Variants in NPIPB2 observed in about 807,000 individuals in gnomAD.
NPIPB2 encodes the protein nuclear pore complex interacting protein family member B2.
Under a neutral mutation model 30.8 loss-of-function variants are expected in NPIPB2, and 27 were observed. The ratio of observed to expected loss-of-function variants is 0.88; its 90% CI spans 0.65 to 1.21. The LOEUF is 1.21. Among genes scored for constraint, NPIPB2 ranks in the 50% most tolerant of loss-of-function variants. The pLI is 0.00. For synonymous variants in NPIPB2, 147 were observed against 162.0 expected (o/e 0.91, Z 0.70); for missense variants, 440 against 446.2 (o/e 0.99, Z 0.13).
intron 1 of NPIPB2, among the ~76,000 whole-genome samples, chr16:11,975,391 C>T (rs932340871): frequency 6.6e-6 from 1 of 151,130 alleles, no homozygotes; most frequent in Non-Finnish European, 1.5e-5. Context: ...TCGTGATCCG[C>T]CCGCCTCGGC....
At chr16:11,936,652 A>G in intron 2 of NPIPB2, among the ~76,000 whole-genome samples, 1 of 144,684 alleles carries the variant, frequency 6.9e-6, no homozygotes, top group Non-Finnish European at 1.5e-5. Context: ...CAAAGGAAAA[A>G]AGGCTCAAAA....
chr16:11,951,619 T>TACATACAC (rs1555509397), intron 1 of NPIPB2, among the ~76,000 whole-genome samples: 1 of 115,914 alleles, frequency 8.6e-6, no homozygotes, highest in African/African-American at 3.2e-5. Flanking sequence ...ACACTGCACA[T>TACATACAC]ACACATACAC....
intron 2 of NPIPB2, 27 bp from the exon 3 acceptor site, chr16:11,933,951 G>T: frequency 2.7e-6 from 4 of 1,501,976 alleles, no homozygotes; most frequent in Non-Finnish European, 3.7e-6. Flanking sequence ...TAAGAATGAC[G>T]GCTGGGCACG....
chr16:11,945,102 G>A (rs567523713), upstream of NPIPB2, among the ~76,000 whole-genome samples: 4 of 152,166 alleles, frequency 2.6e-5, no homozygotes, highest in Non-Finnish European at 4.4e-5. Context: ...CAGAAGAATC[G>A]CTTGAACCCG....
chr16:11,956,958 G>A (rs1567475965), intron 1 of NPIPB2, among the ~76,000 whole-genome samples: 1 of 152,120 alleles, frequency 6.6e-6, no homozygotes, highest in Admixed American at 6.5e-5. Context: ...TTGTTGCCAA[G>A]ATGGCTATTA....
chr16:11,962,409 C>A (rs1040175575), intron 1 of NPIPB2, among the ~76,000 whole-genome samples: 1 of 151,338 alleles, frequency 6.6e-6, no homozygotes, highest in Non-Finnish European at 1.5e-5. Flanking sequence ...GAGATCGAGA[C>A]CATCCTGGCT....
At chr16:11,965,008 G>T (rs1372032229) in intron 1 of NPIPB2, 2 of 396,978 alleles carry the variant, frequency 5.0e-6, no homozygotes, top group South Asian at 3.7e-5. Context: ...TCTGCATCTT[G>T]CAACTGTCAC....
At chr16:11,954,906 T>TG (rs1331792681) in intron 1 of NPIPB2, among the ~76,000 whole-genome samples, 11 of 31,148 alleles carry the variant, frequency 3.5e-4, no homozygotes, top group Non-Finnish European at 1.4e-3. Flanking sequence ...AGACTCTGTC[T>TG]CAAAAAAAAA....
chr16:11,941,296 C>T, intron 1 of NPIPB2: 1 of 1,314,178 alleles, frequency 7.6e-7, no homozygotes, highest in Non-Finnish European at 1.0e-6. Context: ...GTGGAGGTGG[C>T]TTAGGGCAGG....
At chr16:11,954,535 G>A (rs2055094260) in intron 1 of NPIPB2, among the ~76,000 whole-genome samples, 1 of 151,320 alleles carries the variant, frequency 6.6e-6, no homozygotes, top group South Asian at 2.1e-4. Context: ...ACGCTTTTAT[G>A]TATAATTGAG....
chr16:11,944,544 C>G (rs1350173930), upstream of NPIPB2, among the ~76,000 whole-genome samples: 1 of 151,142 alleles, frequency 6.6e-6, no homozygotes, highest in Non-Finnish European at 1.5e-5. Flanking sequence ...GGGTGGATCA[C>G]CTGAGGTCAG....
chr16:11,941,207 A>G, intron 1 of NPIPB2: 3 of 1,521,832 alleles, frequency 2.0e-6, no homozygotes, highest in Non-Finnish European at 2.7e-6. Context: ...AGCAGGAGCC[A>G]AAAGAGGAGC....
At chr16:11,948,573 C>T (rs8057743) in intron 1 of NPIPB2, among the ~76,000 whole-genome samples, 40,519 of 151,170 alleles carry the variant, frequency 0.27, 6,561 homozygotes, top group East Asian at 0.58. Flanking sequence ...GAGACCATCC[C>T]GGCTAAAACG....
chr16:11,956,984 A>C (rs987272113), intron 1 of NPIPB2, among the ~76,000 whole-genome samples: 4 of 151,942 alleles, frequency 2.6e-5, no homozygotes, highest in African/African-American at 9.7e-5. Context: ...ATTTTTAATT[A>C]ATTAATTAAT....
At chr16:11,927,433 T>G in exon 8 of NPIPB2, 1 of 1,197,602 alleles carries the variant, frequency 8.4e-7, no homozygotes, top group Non-Finnish European at 1.2e-6. Flanking sequence ...TGGGCTCGGG[T>G]GATGATGGTT....
chr16:11,930,449 C>A lies in NPIPB2; in HGVS notation c.590+1G>T. 1.3e-6 allele frequency: 2 copies of A among 1,555,918 alleles called. No individual in the cohort carries two copies. The highest frequency in any genetic ancestry group is 1.7e-6 in the Non-Finnish European group (2 of 1,157,272). The stretch of plus-strand genomic sequence containing the variant: ...GGGTGGGGTTCAGTTTCTGAACTCA[C>A]ATGTAGGTGTGTATTTCTTTCATAT... On this transcript the variant is annotated splice_donor_variant, in intron 5 of 7. Coordinates refer to ENST00000399147, the Ensembl canonical transcript of NPIPB2. LOFTEE classifies it high-confidence loss of function.
intron 1 of NPIPB2, among the ~76,000 whole-genome samples, chr16:11,938,150 C>T (rs1347419021): frequency 6.6e-6 from 1 of 152,002 alleles, no homozygotes; most frequent in Non-Finnish European, 1.5e-5. Flanking sequence ...TCCCGAGTAG[C>T]TGAGATTACA....
At chr16:11,967,932 T>C in intron 1 of NPIPB2, 1 of 1,469,046 alleles carries the variant, frequency 6.8e-7, no homozygotes, top group South Asian at 1.3e-5. Context: ...GATGACTGTA[T>C]TTTTCAGTTG....
At chr16:11,938,788 A>G (rs1384485345) in intron 1 of NPIPB2, among the ~76,000 whole-genome samples, 1 of 152,120 alleles carries the variant, frequency 6.6e-6, no homozygotes, top group Non-Finnish European at 1.5e-5. Flanking sequence ...TTGCTCTGTC[A>G]CCCAGGCTAG....
Sources: gnomAD v4.1 joint callset for allele counts (sites outside exome capture counted in the v4.1 genomes callset) on GRCh38, gnomAD v4.1.1 for gene constraint, MANE v1.5 for transcripts, NCBI Gene and HGNC (gene_info 2026-07-23, HGNC 2026-07-21) for gene names.